Variants in NRG3 observed in about 807,000 individuals in gnomAD.
NRG3 encodes the protein neuregulin 3.
A neutral mutation model predicts 66.9 loss-of-function variants in NRG3; 31 were observed. The ratio of observed to expected loss-of-function variants is 0.46; its 90% CI spans 0.35 to 0.63. The LOEUF (loss-of-function observed/expected upper bound fraction) is 0.63. Ranked by LOEUF, NRG3 falls within the 20% of genes least tolerant of loss-of-function variation. The pLI, the probability that NRG3 is intolerant of heterozygous loss-of-function variation, is 0.00. For synonymous variants in NRG3, 393 were observed against 359.4 expected (o/e 1.09, Z -1.06); for missense variants, 910 against 878.9 (o/e 1.04, Z -0.45).
In NRG3 at chr10:82,917,988, ATATATGTATG is replaced by A. The variant is rs747130245; in HGVS notation, c.1055-33477_1055-33468del. 1.8e-3 allele frequency among the ~76,000 whole-genome samples: 225 copies of A among 127,940 alleles called. 4 individuals carry two copies. The highest frequency in any genetic ancestry group is 8.5e-3 in the East Asian group (28 of 3,292). 83.9% of individuals were successfully genotyped at this position (127,940 alleles called of 152,430 possible). A position where few individuals can be genotyped will look rare whatever the true frequency, so the allele number is the denominator to read the frequency against. Reference sequence around the variant, plus strand: ...TGTGTGTGTATATATATATATATATATATATGTATGTATGTATCTCTCTCTATATATATAC... The same window carrying A: ...TGTGTGTGTATATATATATATATATATATGTATCTCTCTCTATATATATAC... On this transcript the variant is annotated intron_variant, in intron 4 of 8. Coordinates refer to ENST00000372141, the MANE Select transcript of NRG3 (RefSeq NM_001010848.4).
chr10:82,775,956 G>A (rs2059897958), intron 3 of NRG3, among the ~76,000 whole-genome samples: 1 of 152,020 alleles, frequency 6.6e-6, no homozygotes, highest in Admixed American at 6.6e-5. Context: ...GTAGACACTT[G>A]AAATATTTAC....
intron 1 of NRG3, among the ~76,000 whole-genome samples, chr10:82,159,244 T>G (rs2132916060): frequency 6.6e-6 from 1 of 152,038 alleles, no homozygotes; most frequent in African/African-American, 2.4e-5. Context: ...GCAATGGTTC[T>G]CTATTGCACT....
chr10:82,920,482 A>G (rs1046975664), intron 4 of NRG3, among the ~76,000 whole-genome samples: 1 of 152,170 alleles, frequency 6.6e-6, no homozygotes, highest in African/African-American at 2.4e-5. Flanking sequence ...ATATGCATAT[A>G]TACATGGAAT....
intron 2 of NRG3, among the ~76,000 whole-genome samples, chr10:82,557,496 T>G (rs1199122960): frequency 6.6e-6 from 1 of 152,122 alleles, no homozygotes; most frequent in Non-Finnish European, 1.5e-5. Context: ...TCTTGCAAAT[T>G]TGTTGAAGTT....
chr10:82,847,882 T>A (rs1303454962), intron 3 of NRG3, among the ~76,000 whole-genome samples: 1 of 152,206 alleles, frequency 6.6e-6, no homozygotes, highest in African/African-American at 2.4e-5. Flanking sequence ...CCTCACAAGG[T>A]TCACAGAGCA....
At chr10:82,457,165 G>A (rs1173340678) in intron 2 of NRG3, among the ~76,000 whole-genome samples, 2 of 151,860 alleles carry the variant, frequency 1.3e-5, no homozygotes, top group African/African-American at 4.8e-5. Flanking sequence ...CCTCTATTAA[G>A]CTGGTCTATT....
At chr10:82,861,116 A>G (rs1424775677) in intron 3 of NRG3, among the ~76,000 whole-genome samples, 1 of 152,002 alleles carries the variant, frequency 6.6e-6, no homozygotes, top group East Asian at 1.9e-4. Flanking sequence ...TAACATTTTA[A>G]TAAAACGATG....
intron 2 of NRG3, among the ~76,000 whole-genome samples, chr10:82,461,389 C>G (rs556871624): frequency 1.1e-3 from 160 of 152,322 alleles, no homozygotes; most frequent in African/African-American, 3.8e-3. Context: ...ATTACCACCA[C>G]TTCCACTGTG....
chr10:81,983,539 T>A (rs1251493842), intron 1 of NRG3, among the ~76,000 whole-genome samples: 1 of 152,230 alleles, frequency 6.6e-6, no homozygotes, highest in East Asian at 1.9e-4. Flanking sequence ...AGGATGAATG[T>A]TGATATATTG....
chr10:82,665,550 G>A (rs938988817), intron 2 of NRG3, among the ~76,000 whole-genome samples: 4 of 152,048 alleles, frequency 2.6e-5, no homozygotes, highest in Non-Finnish European at 5.9e-5. Flanking sequence ...CTCATGACTG[G>A]TTTATTCAGT....
At chr10:81,928,835 A>AT (rs368605928) in intron 1 of NRG3, among the ~76,000 whole-genome samples, 4 of 151,524 alleles carry the variant, frequency 2.6e-5, no homozygotes, top group African/African-American at 7.3e-5. Flanking sequence ...TTAAAGAACA[A>AT]TTTTTTTTTG....
At chr10:82,370,329 A>G (rs2084799349) in intron 2 of NRG3, among the ~76,000 whole-genome samples, 1 of 137,700 alleles carries the variant, frequency 7.3e-6, no homozygotes, top group Non-Finnish European at 1.5e-5. Flanking sequence ...GGGGCTGCCC[A>G]GTGGCCAGCC....
At chr10:82,295,224 A>G (rs1365483006) in intron 1 of NRG3, among the ~76,000 whole-genome samples, 2 of 152,244 alleles carry the variant, frequency 1.3e-5, no homozygotes, top group East Asian at 1.9e-4. Flanking sequence ...TCAACAGTTG[A>G]ATTCCTAAAA....
chr10:82,177,265 T>A (rs965016735), intron 1 of NRG3, among the ~76,000 whole-genome samples: 1 of 152,110 alleles, frequency 6.6e-6, no homozygotes, highest in African/African-American at 2.4e-5. Flanking sequence ...TTTTTTAATC[T>A]AAGGAGAAAC....
At chr10:82,015,855 T>C (rs764148011) in intron 1 of NRG3, among the ~76,000 whole-genome samples, 1 of 151,752 alleles carries the variant, frequency 6.6e-6, no homozygotes, top group Non-Finnish European at 1.5e-5. Context: ...GGGTTAATAA[T>C]ACCTACATCA....
intron 7 of NRG3, among the ~76,000 whole-genome samples, chr10:82,974,624 A>G (rs574971218): frequency 1.3e-5 from 2 of 152,340 alleles, no homozygotes; most frequent in South Asian, 4.1e-4. Flanking sequence ...CTCAATCTTT[A>G]TGGAAGTTGT....
At chr10:82,697,085 A>G (rs547320495) in intron 2 of NRG3, among the ~76,000 whole-genome samples, 43 of 152,294 alleles carry the variant, frequency 2.8e-4, no homozygotes, top group African/African-American at 1.0e-3. Context: ...TGCTTAGAAA[A>G]TGTAGATGAA....
At chr10:82,110,476 GT>G (rs2067320677) in intron 1 of NRG3, among the ~76,000 whole-genome samples, 1 of 152,156 alleles carries the variant, frequency 6.6e-6, no homozygotes, top group African/African-American at 2.4e-5. Flanking sequence ...TGGATAGTGT[GT>G]TGTCGACAGA....
intron 7 of NRG3, among the ~76,000 whole-genome samples, chr10:82,975,853 C>A (rs752267692): frequency 5.3e-5 from 8 of 151,968 alleles, no homozygotes; most frequent in Non-Finnish European, 1.2e-4. Flanking sequence ...GACAGTTTAG[C>A]GAACTATGAA....
Sources: gnomAD v4.1 joint callset for allele counts (sites outside exome capture counted in the v4.1 genomes callset) on GRCh38, gnomAD v4.1.1 for gene constraint, MANE v1.5 for transcripts, NCBI Gene and HGNC (gene_info 2026-07-23, HGNC 2026-07-21) for gene names.